THSD7A: variants seen among roughly 807,000 people sequenced by gnomAD.
THSD7A encodes the protein thrombospondin type-1 domain-containing protein 7A.
THSD7A carries 96 observed loss-of-function variants against 231.3 expected under a neutral mutation model. The observed-to-expected ratio is 0.41, with a 90% CI of 0.35 to 0.49. The LOEUF (loss-of-function observed/expected upper bound fraction) is 0.49, where lower values mean the gene tolerates loss of function less well. Ranked by LOEUF, THSD7A falls within the 20% of genes least tolerant of loss-of-function variation. The probability of loss-of-function intolerance (pLI) is 0.05; values close to 1 mark genes in which losing one functional copy is unlikely to be tolerated. For synonymous variants in THSD7A, 940 were observed against 743.3 expected (o/e 1.26, Z -4.30); for missense variants, 2,290 against 2,070.2 (o/e 1.11, Z -2.06).
rs141941372 is a variant in THSD7A at position 11,463,932 on chromosome 7, C to T, written c.2369-1789G>A. On this transcript the variant is annotated intron_variant, in intron 9 of 27. Transcript: ENST00000423059. ...TTCAGAGCTAGGGAAAATTCTGTCT[C>T]CCTTGACAATCTGTAAAGAATCCAT... is the stretch of plus-strand genomic sequence containing the variant. Among the ~76,000 whole-genome samples, 297 of 152,206 alleles carry T rather than the reference C, an allele frequency of 2.0e-3. 1 individual carries two copies. Among genetic ancestry groups the T allele is most frequent in the Middle Eastern group, 3.4e-3 (1 of 294 alleles).
At chr7:11,477,573 T>C (rs1660967945) in intron 7 of THSD7A, among the ~76,000 whole-genome samples, 1 of 152,222 alleles carries the variant, frequency 6.6e-6, no homozygotes, top group Non-Finnish European at 1.5e-5. Flanking sequence ...CATGGTTTCC[T>C]ATTTAATGGT....
At chr7:11,666,703 C>A (rs1379899057) in intron 1 of THSD7A, among the ~76,000 whole-genome samples, 1 of 150,592 alleles carries the variant, frequency 6.6e-6, no homozygotes, top group Non-Finnish European at 1.5e-5. Context: ...AGAAATTATG[C>A]TAATATATAG....
intron 14 of THSD7A, among the ~76,000 whole-genome samples, chr7:11,428,024 T>C (rs1263882044): frequency 6.6e-6 from 1 of 152,194 alleles, no homozygotes; most frequent in Non-Finnish European, 1.5e-5. Context: ...CTTTCTGTTT[T>C]CTCTACAATG....
chr7:11,626,084 C>T (rs1237420187), intron 2 of THSD7A, among the ~76,000 whole-genome samples: 1 of 152,078 alleles, frequency 6.6e-6, no homozygotes, highest in Non-Finnish European at 1.5e-5. Context: ...TAGGCAGTGA[C>T]ATATATTATC....
chr7:11,418,271 A>G (rs757175701), intron 16 of THSD7A, among the ~76,000 whole-genome samples: 1 of 152,156 alleles, frequency 6.6e-6, no homozygotes, highest in Non-Finnish European at 1.5e-5. Context: ...GGTTATTTGG[A>G]TTTTCCTACT....
chr7:11,396,899 C>G (rs916837963), intron 23 of THSD7A, among the ~76,000 whole-genome samples: 2 of 152,168 alleles, frequency 1.3e-5, no homozygotes, highest in Non-Finnish European at 2.9e-5. Context: ...ACTGGCACAT[C>G]GAATCCAGCA....
chr7:11,708,034 T>C (rs190071741), intron 1 of THSD7A, among the ~76,000 whole-genome samples: 1 of 150,896 alleles, frequency 6.6e-6, no homozygotes, highest in East Asian at 2.0e-4. Flanking sequence ...TGTCCCTTAA[T>C]AGTCTTTTGC....
intron 1 of THSD7A, among the ~76,000 whole-genome samples, chr7:11,682,302 G>T (rs979871519): frequency 6.6e-6 from 1 of 152,010 alleles, no homozygotes; most frequent in Non-Finnish European, 1.5e-5. Flanking sequence ...CTTAGAAGAC[G>T]TAGAATGGCA....
chr7:11,609,019 A>C (rs975507119), intron 2 of THSD7A, among the ~76,000 whole-genome samples: 1 of 152,144 alleles, frequency 6.6e-6, no homozygotes. Flanking sequence ...CAAGTATTCT[A>C]TGTGTCATCA....
At chr7:11,482,326 A>G (rs568470524) in intron 6 of THSD7A, among the ~76,000 whole-genome samples, 1 of 152,192 alleles carries the variant, frequency 6.6e-6, no homozygotes. Context: ...TCAACAAAGC[A>G]TGTCCCCTCT....
intron 2 of THSD7A, among the ~76,000 whole-genome samples, chr7:11,603,584 T>C (rs1354778186): frequency 6.6e-6 from 1 of 151,768 alleles, no homozygotes; most frequent in Admixed American, 6.6e-5. Context: ...CACACGTATG[T>C]TTATTGCGGC....
intron 4 of THSD7A, among the ~76,000 whole-genome samples, chr7:11,543,871 AAT>A (rs1396497247): frequency 4.6e-5 from 7 of 152,102 alleles, no homozygotes; most frequent in Admixed American, 4.6e-4. Flanking sequence ...AGTTAAGGTC[AAT>A]ATATATCCAT....
intron 1 of THSD7A, among the ~76,000 whole-genome samples, chr7:11,693,636 T>C (rs564346254): frequency 6.6e-6 from 1 of 151,640 alleles, no homozygotes; most frequent in South Asian, 2.1e-4. Context: ...CAGATAATTC[T>C]AGGTTAGGAT....
At chr7:11,383,732 C>A (rs1252159057) in intron 23 of THSD7A, 2 of 151,926 alleles carry the variant, frequency 1.3e-5, no homozygotes, top group African/African-American at 4.8e-5. Context: ...ACATTTGGAT[C>A]TCCTGGTATG....
At chr7:11,739,959 T>G (rs17165141) in intron 1 of THSD7A, among the ~76,000 whole-genome samples, 1 of 151,852 alleles carries the variant, frequency 6.6e-6, no homozygotes, top group African/African-American at 2.4e-5. Context: ...AAACAATGGA[T>G]TGCTTATTCT....
At chr7:11,659,890 A>G (rs1276249804) in intron 1 of THSD7A, among the ~76,000 whole-genome samples, 3 of 151,556 alleles carry the variant, frequency 2.0e-5, no homozygotes, top group Admixed American at 6.6e-5. Flanking sequence ...TCAAAGTATG[A>G]TCCAGTAACC....
chr7:11,701,812 C>G (rs185408403), intron 1 of THSD7A, among the ~76,000 whole-genome samples: 86 of 151,306 alleles, frequency 5.7e-4, no homozygotes, highest in Non-Finnish European at 9.5e-4. Context: ...TAAACCTTCC[C>G]TAAAGTTGCC....
chr7:11,687,125 T>A (rs1780081984), intron 1 of THSD7A, among the ~76,000 whole-genome samples: 1 of 151,878 alleles, frequency 6.6e-6, no homozygotes. Flanking sequence ...GACTACTGAG[T>A]TTTTGGTGAC....
chr7:11,580,994 GAAT>G (rs1166252220), intron 4 of THSD7A, among the ~76,000 whole-genome samples: 1 of 152,098 alleles, frequency 6.6e-6, no homozygotes, highest in Admixed American at 6.6e-5. Context: ...GTGAATGAAA[GAAT>G]AATAAGTGAG....
Sources: allele counts gnomAD v4.1 joint callset (sites outside exome capture counted in the v4.1 genomes callset), GRCh38; gene constraint gnomAD v4.1.1; transcripts MANE v1.5; gene names NCBI Gene and HGNC (gene_info 2026-07-23, HGNC 2026-07-21).